EPB41L2: variants seen among roughly 807,000 people sequenced by gnomAD.
EPB41L2 encodes erythrocyte membrane protein band 4.1 like 2.
A neutral mutation model predicts 113.0 loss-of-function variants in EPB41L2; 43 were observed. The ratio of observed to expected loss-of-function variants is 0.38; its 90% CI spans 0.30 to 0.49. The LOEUF is 0.49. EPB41L2 is among the 20% of genes least tolerant of loss of function. The probability of loss-of-function intolerance (pLI) is 0.95; values close to 1 mark genes in which losing one functional copy is unlikely to be tolerated. For synonymous variants in EPB41L2, 442 were observed against 436.7 expected (o/e 1.01, Z -0.15); for missense variants, 1,147 against 1,223.4 (o/e 0.94, Z 0.93).
chr6:130,881,349 A>C (rs1789252190), intron 12 of EPB41L2: 1 of 152,194 alleles, frequency 6.6e-6, no homozygotes, highest in Non-Finnish European at 1.5e-5. Context: ...CAGAGTCTTT[A>C]TCAGATGTGA....
At chr6:130,986,732 C>G (rs1475149121) in intron 1 of EPB41L2, among the ~76,000 whole-genome samples, 2 of 151,962 alleles carry the variant, frequency 1.3e-5, no homozygotes, top group South Asian at 4.1e-4. Context: ...ATTATAGGCA[C>G]GTGCCACCAC....
chr6:131,001,423 A>G (rs1285598654), intron 1 of EPB41L2, among the ~76,000 whole-genome samples: 3 of 152,236 alleles, frequency 2.0e-5, no homozygotes, highest in Non-Finnish European at 4.4e-5. Context: ...TTTTTGGTAC[A>G]ACACTAGAGA....
chr6:131,005,172 TAC>T (rs1237156779), intron 1 of EPB41L2, among the ~76,000 whole-genome samples: 1 of 144,916 alleles, frequency 6.9e-6, no homozygotes, highest in Non-Finnish European at 1.5e-5. Context: ...CTTGATCTTT[TAC>T]AGAGTTTTTT....
At chr6:131,005,971 A>G (rs1486850702) in intron 1 of EPB41L2, among the ~76,000 whole-genome samples, 1 of 152,070 alleles carries the variant, frequency 6.6e-6, no homozygotes, top group African/African-American at 2.4e-5. Flanking sequence ...CTCAGCCAGA[A>G]AAAAAAGGTG....
chr6:130,966,518 C>T (rs1562615243), intron 1 of EPB41L2, among the ~76,000 whole-genome samples: 1 of 50,488 alleles, frequency 2.0e-5, no homozygotes, highest in Non-Finnish European at 3.1e-5. Flanking sequence ...TGTGAATATG[C>T]ACACATACAC....
At chr6:130,974,026 T>G (rs549666108) in intron 1 of EPB41L2, among the ~76,000 whole-genome samples, 61 of 152,310 alleles carry the variant, frequency 4.0e-4, no homozygotes, top group African/African-American at 1.4e-3. Flanking sequence ...CCCCTGTGTC[T>G]CCTGCTCTCT....
intron 3 of EPB41L2, among the ~76,000 whole-genome samples, chr6:130,932,025 TA>T: frequency 6.6e-6 from 1 of 152,274 alleles, no homozygotes; most frequent in East Asian, 1.9e-4. Context: ...AAGTGATCAA[TA>T]AAATGTTTGG....
Position 130,857,549 on chromosome 6 carries a change from C to CT in EPB41L2, c.*5+581dup, listed in dbSNP as rs10557309. Among the ~76,000 whole-genome samples, 597 of 72,860 alleles carry CT rather than the reference C, an allele frequency of 8.2e-3. 58 individuals carry two copies. The highest frequency in any genetic ancestry group is 0.018 in the African/African-American group (308 of 17,154). 47.8% of individuals were successfully genotyped at this position (72,860 alleles called of 152,430 possible). ...CTTTCTGGTTCATTCTCAGATGTAT[C>CT]TTTTTTTTTTTTTTTTTTTTTTTTT... is the stretch of plus-strand genomic sequence containing the variant. On this transcript the variant is annotated intron_variant, in intron 19 of 19. Coordinates refer to ENST00000337057, the MANE Select transcript of EPB41L2 (RefSeq NM_001431.4).
rs10499175 is a variant in EPB41L2, at chr6:130,869,059, G to C, written c.2607+504C>G. Reference sequence around the variant, plus strand: ...TGGATACTGCATTCAGAGAACCACGGTAATCAGAGACTGCTGTCATTTCTA... The same window carrying C: ...TGGATACTGCATTCAGAGAACCACGCTAATCAGAGACTGCTGTCATTTCTA... On this transcript the variant is annotated intron_variant, in intron 15 of 19. Transcript: ENST00000337057. 0.011 allele frequency among the ~76,000 whole-genome samples: 1,725 copies of C among 152,258 alleles called. 183 individuals are homozygous for C. In the East Asian group the frequency reaches 0.26, roughly 23 times the overall value.
chr6:130,954,040 C>T (rs113856478), intron 3 of EPB41L2, among the ~76,000 whole-genome samples: 1,575 of 58,352 alleles, frequency 0.027, 28 homozygotes, highest in African/African-American at 0.054. Context: ...CCTTTTCTTT[C>T]TTTTTTTTTT....
At chr6:130,954,540 G>A (rs1816732898) in intron 3 of EPB41L2, among the ~76,000 whole-genome samples, 1 of 152,094 alleles carries the variant, frequency 6.6e-6, no homozygotes, top group East Asian at 1.9e-4. Flanking sequence ...TTAGCTATTA[G>A]TATACGTTAC....
At chr6:131,001,030 G>A (rs1384771956) in intron 1 of EPB41L2, among the ~76,000 whole-genome samples, 1 of 152,042 alleles carries the variant, frequency 6.6e-6, no homozygotes, top group Non-Finnish European at 1.5e-5. Context: ...AAAGACTAAA[G>A]AGAAATGAGA....
At chr6:130,951,312 C>CTTTTTTTT (rs34082234) in intron 3 of EPB41L2, among the ~76,000 whole-genome samples, 3 of 50,820 alleles carry the variant, frequency 5.9e-5, no homozygotes, top group Non-Finnish European at 9.3e-5. Context: ...AGCCTCAGTA[C>CTTTTTTTT]TTTTTTTTTT....
At chr6:130,956,620 C>T in intron 1 of EPB41L2, 121 bp from the exon 2 acceptor site, 2 of 886,524 alleles carry the variant, frequency 2.3e-6, no homozygotes, top group South Asian at 1.9e-5. Flanking sequence ...GGAGAAAGCA[C>T]ATCAAGAAAG....
At chr6:130,894,866 T>C (rs1794127032) in intron 9 of EPB41L2, 101 bp downstream of exon 9, 2 of 1,249,644 alleles carry the variant, frequency 1.6e-6, no homozygotes, top group Non-Finnish European at 2.1e-6. Flanking sequence ...GAATAAATAG[T>C]TTATTTTCTT....
chr6:131,030,386 CT>C (rs1477191402), intron 1 of EPB41L2, among the ~76,000 whole-genome samples: 1 of 152,230 alleles, frequency 6.6e-6, no homozygotes, highest in African/African-American at 2.4e-5. Flanking sequence ...TATTTCTCAA[CT>C]GACTAAATAG....
intron 1 of EPB41L2, among the ~76,000 whole-genome samples, chr6:130,972,939 A>AAT (rs1777235490): frequency 4.3e-5 from 1 of 23,358 alleles, no homozygotes; most frequent in African/African-American, 1.3e-4. Context: ...TAAAGATACA[A>AAT]AAAAAAAAAA....
intron 7 of EPB41L2, among the ~76,000 whole-genome samples, chr6:130,900,490 C>G (rs529533809): frequency 6.6e-6 from 1 of 152,296 alleles, no homozygotes; most frequent in East Asian, 1.9e-4. Context: ...GGTCATCTTC[C>G]AACGGAATCA....
intron 1 of EPB41L2, among the ~76,000 whole-genome samples, chr6:131,052,936 C>A (rs1475234119): frequency 6.6e-6 from 1 of 151,910 alleles, no homozygotes; most frequent in Non-Finnish European, 1.5e-5. Context: ...GCTCTTGTTG[C>A]CCAGGCTGGA....
Sources: gnomAD v4.1 joint callset for allele counts (sites outside exome capture counted in the v4.1 genomes callset) on GRCh38, gnomAD v4.1.1 for gene constraint, MANE v1.5 for transcripts, NCBI Gene and HGNC (gene_info 2026-07-23, HGNC 2026-07-21) for gene names.